The following SLC5A8 variants were observed in gnomAD, a reference collection of about 807,000 sequenced individuals.
SLC5A8 encodes sodium-coupled monocarboxylate transporter 1.
A neutral mutation model predicts 71.9 loss-of-function variants in SLC5A8; 55 were observed. That is an observed-to-expected ratio of 0.77 (90% CI 0.62 to 0.96). The LOEUF is 0.96. Among genes scored for constraint, SLC5A8 ranks in the 40% least tolerant of loss-of-function variants. The probability of loss-of-function intolerance (pLI) is 0.00; values close to 1 mark genes in which losing one functional copy is unlikely to be tolerated. For missense variants in SLC5A8, 701 were observed against 745.3 expected, an observed-to-expected ratio of 0.94 and a Z score of 0.69; for synonymous variants, 307 against 276.1, an observed-to-expected ratio of 1.11 and a Z score of -1.11.
Position 101,201,558 on chromosome 12 carries a change from T to A in SLC5A8, c.469+606A>T, listed in dbSNP as rs562270096. 2.6e-5 allele frequency among the ~76,000 whole-genome samples: 4 copies of A among 152,346 alleles called. No homozygotes were observed. In the East Asian group the frequency reaches 5.8e-4, roughly 22 times the overall value. The stretch of plus-strand genomic sequence containing the variant: ...TGACTAGCATGAACGTTTGCTTCAA[T>A]AAACTATCCCAGCCTCACTGCATTT... On this transcript the variant is annotated intron_variant, in intron 3 of 14. Transcript: ENST00000536262.
At position 101,204,569 on chromosome 12, in the gene SLC5A8, T is replaced by C. The variant is rs772238221; in HGVS notation, c.352-4A>G. On this transcript the variant is annotated splice_region_variant and splice_polypyrimidine_tract_variant and intron_variant, in intron 1 of 14. Coordinates refer to ENST00000536262, the MANE Select transcript of SLC5A8 (RefSeq NM_145913.5). ...TGTTAAATCGAAGTTCTAAATACTG[T>C]TGCAAAAAAAAAAATTATGCGAATC... 1.3e-6 allele frequency: 2 copies of C among 1,580,178 alleles called. No individual in the cohort carries two copies. The highest frequency in any genetic ancestry group is 2.4e-5 in the South Asian group (2 of 83,882).
At chr12:101,167,048 C>A (rs945870382) in intron 11 of SLC5A8, among the ~76,000 whole-genome samples, 16 of 151,850 alleles carry the variant, frequency 1.1e-4, no homozygotes, top group African/African-American at 3.9e-4. Context: ...TCCGTTACCG[C>A]CCCCAGAAAA....
rs1366841876 is a variant in SLC5A8 at position 101,204,386 on chromosome 12, T to A, written c.417+114A>T. On this transcript the variant is annotated intron_variant, in intron 2 of 14. Transcript: ENST00000536262. ...TGTTTTTCCTTTTTTGTTCCCTCAT[T>A]TTTTCAACATCTCTTTTTTGTCTTT... 19 of 899,712 alleles carry A rather than the reference T, an allele frequency of 2.1e-5. No individual in the cohort carries two copies. In the Admixed American group the frequency reaches 2.7e-4, roughly 13 times the overall value. 55.7% of individuals were successfully genotyped at this position (899,712 alleles called of 1,614,324 possible).
rs140874969 is a variant in SLC5A8 at position 101,158,260 on chromosome 12, T to C, written c.1699A>G (p.Ile567Val). 4.4e-6 allele frequency: 7 copies of C among 1,586,442 alleles called. No individual in the cohort carries two copies. The highest frequency in any genetic ancestry group is 5.2e-6 in the Non-Finnish European group (6 of 1,159,876). The change falls in exon 14 of 15, where the codon ATT (isoleucine) becomes GTT (valine). Residue 567 changes from isoleucine to valine, a missense_variant. Physicochemically the swap from Ile to Val is conservative, Grantham distance 29. Coordinates refer to ENST00000536262, the MANE Select transcript of SLC5A8 (RefSeq NM_145913.5). Reference protein sequence around the residue: ...TKEDFLSNFDIFKKKKHVLSY... With the variant: ...TKEDFLSNFDVFKKKKHVLSY... The stretch of plus-strand genomic sequence containing the variant: ...GAAAGCCAACTCACTTTCTTAAAAA[T>C]ATCAAAATTGGATAAAAAGTCCTCT...
intron 10 of SLC5A8, among the ~76,000 whole-genome samples, chr12:101,171,317 C>T (rs2051827856): frequency 6.6e-6 from 1 of 152,178 alleles, no homozygotes; most frequent in African/African-American, 2.4e-5. Flanking sequence ...CTAAGTTTGA[C>T]AGATAGGACT....
intron 5 of SLC5A8, among the ~76,000 whole-genome samples, chr12:101,192,904 T>C (rs887636683): frequency 8.2e-5 from 11 of 134,282 alleles, no homozygotes; most frequent in East Asian, 2.0e-4. Flanking sequence ...CTCTGTCTCT[T>C]TTTTTTTTTT....
chr12:101,164,169 G>C (rs533843986), intron 12 of SLC5A8, among the ~76,000 whole-genome samples: 2 of 152,244 alleles, frequency 1.3e-5, no homozygotes, highest in Admixed American at 6.5e-5. Context: ...CATTAAAAGA[G>C]TAAAAAGGTA....
intron 10 of SLC5A8, among the ~76,000 whole-genome samples, chr12:101,174,629 C>A (rs2051862311): frequency 6.6e-6 from 1 of 152,132 alleles, no homozygotes; most frequent in South Asian, 2.1e-4. Context: ...ATCCCTGAGC[C>A]AGGGTTGTAA....
Position 101,166,610 on chromosome 12 carries a change from T to A in SLC5A8, c.1410A>T (p.Thr470=). 1 of 1,614,014 alleles carries A rather than the reference T, an allele frequency of 6.2e-7. No individual in the cohort carries two copies. Among genetic ancestry groups the A allele is most frequent in the African/African-American group, 1.3e-5 (1 of 75,058 alleles). ...AQIYPPLPER[T]LPLHLDIQGC... ...CTTGGATATCAAGGTGCAATGGCAATGTTCTCTCAGGAAGTGGAGGATATA... is the reference window on the plus strand; with the variant it reads ...CTTGGATATCAAGGTGCAATGGCAAAGTTCTCTCAGGAAGTGGAGGATATA... Residue 470 remains threonine, a synonymous_variant, in exon 12 of 15, where the codon ACA becomes ACT. Coordinates refer to ENST00000536262, the MANE Select transcript of SLC5A8 (RefSeq NM_145913.5).
In SLC5A8 at chr12:101,187,083, C is replaced by A. The variant is rs189541310; in HGVS notation, c.963+303G>T. The stretch of plus-strand genomic sequence containing the variant: ...TGGTTTGTGTAGTTTAAAAAACAAA[C>A]AAACAAACAACAACAACAACAAAAA... On this transcript the variant is annotated intron_variant, in intron 7 of 14. Coordinates refer to ENST00000536262, the MANE Select transcript of SLC5A8 (RefSeq NM_145913.5). 4.2e-4 allele frequency among the ~76,000 whole-genome samples: 64 copies of A among 152,210 alleles called. 1 individual carries two copies. The highest frequency in any genetic ancestry group is 1.4e-3 in the African/African-American group (59 of 41,556).
Position 101,157,235 on chromosome 12 carries a change from T to A in SLC5A8, c.*44A>T, listed in dbSNP as rs2051673432. On this transcript the variant is annotated 3_prime_UTR_variant, in exon 15 of 15. Transcript: ENST00000536262. ...TGATCCAATTATCTTAGAAAACATATAAAATTGAAACATCATTTAAGGATA... is the reference window on the plus strand; with the variant it reads ...TGATCCAATTATCTTAGAAAACATAAAAAATTGAAACATCATTTAAGGATA... 6.3e-7 allele frequency: 1 copy of A among 1,591,878 alleles called. No individual in the cohort carries two copies. The highest frequency in any genetic ancestry group is 8.6e-7 in the Non-Finnish European group (1 of 1,165,986).
rs1365730714 is a variant in SLC5A8 at position 101,184,921 on chromosome 12, T to C, written c.964-699A>G. On this transcript the variant is annotated intron_variant, in intron 7 of 14. Transcript: ENST00000536262. ...TGTGTGACTTCAGGACTCTGTTGCA[T>C]GGCAGTTTTTCTACAAAATCAGTTT... 3.3e-5 allele frequency among the ~76,000 whole-genome samples: 5 copies of C among 152,364 alleles called. No individual in the cohort carries two copies. In the South Asian group the frequency reaches 8.3e-4, roughly 25 times the overall value.
At chr12:101,193,809 G>A (rs747413920) in intron 4 of SLC5A8, 30 bp from the exon 5 acceptor site, 1 of 1,605,740 alleles carries the variant, frequency 6.2e-7, no homozygotes, top group Non-Finnish European at 8.5e-7. Flanking sequence ...TAGGATTAAT[G>A]CTTCTATTAG....
chr12:101,172,099 A>C (rs1455096044), intron 10 of SLC5A8, among the ~76,000 whole-genome samples: 1 of 152,154 alleles, frequency 6.6e-6, no homozygotes, highest in African/African-American at 2.4e-5. Flanking sequence ...GTGATCTTGA[A>C]CACGGCCCGA....
At chr12:101,192,220 C>T (rs551213686) in intron 5 of SLC5A8, among the ~76,000 whole-genome samples, 1 of 152,324 alleles carries the variant, frequency 6.6e-6, no homozygotes, top group African/African-American at 2.4e-5. Context: ...CAACTAGAGC[C>T]TCTTTTCCTT....
intron 6 of SLC5A8, among the ~76,000 whole-genome samples, chr12:101,190,106 CTG>C (rs1868832021): frequency 6.6e-6 from 1 of 152,254 alleles, no homozygotes; most frequent in African/African-American, 2.4e-5. Flanking sequence ...TTTCATGAAA[CTG>C]TTACATATCT....
At chr12:101,208,616 C>G (rs994636547) in intron 1 of SLC5A8, among the ~76,000 whole-genome samples, 2 of 152,286 alleles carry the variant, frequency 1.3e-5, no homozygotes, top group Middle Eastern at 3.4e-3. Flanking sequence ...TTGAGAAAAC[C>G]TATAGCCAGG....
At chr12:101,176,696 A>G (rs2051882976) in intron 10 of SLC5A8, among the ~76,000 whole-genome samples, 1 of 152,128 alleles carries the variant, frequency 6.6e-6, no homozygotes, top group African/African-American at 2.4e-5. Context: ...TCCATAAATC[A>G]AAAGAATATC....
chr12:101,175,082 G>T lies in SLC5A8; in HGVS notation c.1233+4947C>A, dbSNP rs182083855. Among the ~76,000 whole-genome samples, 1,421 of 151,822 alleles carry T rather than the reference G, an allele frequency of 9.4e-3. 15 individuals carry two copies. The highest frequency in any genetic ancestry group is 0.011 in the African/African-American group (442 of 41,436). On this transcript the variant is annotated intron_variant, in intron 10 of 14. Coordinates refer to ENST00000536262, the MANE Select transcript of SLC5A8 (RefSeq NM_145913.5). ...AAAATAGAGGGAAAAAATATATATAGAGAGAAAAATCTCAGGGAAAAAAAG... is the reference window on the plus strand; with the variant it reads ...AAAATAGAGGGAAAAAATATATATATAGAGAAAAATCTCAGGGAAAAAAAG...
Sources: allele counts gnomAD v4.1 joint callset (sites outside exome capture counted in the v4.1 genomes callset), GRCh38; gene constraint gnomAD v4.1.1; transcripts MANE v1.5; gene names NCBI Gene and HGNC (gene_info 2026-07-23, HGNC 2026-07-21).